NR3C1: variants seen among roughly 807,000 people sequenced by gnomAD.
NR3C1 encodes the protein glucocorticoid receptor.
In NR3C1, 14 loss-of-function variants were observed where a neutral mutation model predicts 74.0. That is an observed-to-expected ratio of 0.19 (90% CI 0.12 to 0.30). The LOEUF is 0.30. NR3C1 is among the 10% of genes least tolerant of loss of function. The pLI, the probability that NR3C1 is intolerant of heterozygous loss-of-function variation, is 1.00. For missense variants in NR3C1, 695 were observed against 909.8 expected (o/e 0.76, Z 3.04); for synonymous variants, 308 against 332.5 (o/e 0.93, Z 0.80).
chr5:143,340,199 T>C (rs998673936), intron 2 of NR3C1, among the ~76,000 whole-genome samples: 12 of 152,112 alleles, frequency 7.9e-5, no homozygotes, highest in African/African-American at 1.4e-4. Context: ...TCTGAAAATA[T>C]TGTTGAAATA....
At chr5:143,337,490 G>C (rs946281088) in intron 2 of NR3C1, among the ~76,000 whole-genome samples, 4 of 152,154 alleles carry the variant, frequency 2.6e-5, no homozygotes, top group Non-Finnish European at 4.4e-5. Flanking sequence ...ATTTATACTT[G>C]TAAATAAATT....
chr5:143,425,764 C>A (rs1652449613), intron 1 of NR3C1, among the ~76,000 whole-genome samples: 1 of 152,150 alleles, frequency 6.6e-6, no homozygotes, highest in Admixed American at 6.5e-5. Context: ...AACTCTCATA[C>A]ATTGCCAGCG....
At chr5:143,433,478 T>TATATATA (rs1187068451) in intron 1 of NR3C1, among the ~76,000 whole-genome samples, 1 of 138,110 alleles carries the variant, frequency 7.2e-6, no homozygotes, top group South Asian at 2.2e-4. Context: ...ATATTTAATT[T>TATATATA]CATCTTGTGT....
chr5:143,306,383 T>TA (rs778656658), intron 4 of NR3C1, among the ~76,000 whole-genome samples: 1 of 152,204 alleles, frequency 6.6e-6, no homozygotes, highest in Non-Finnish European at 1.5e-5. Flanking sequence ...GTGAAACACA[T>TA]GGCTCATCTG....
At chr5:143,431,954 A>C (rs1261993087) in intron 1 of NR3C1, among the ~76,000 whole-genome samples, 2 of 152,284 alleles carry the variant, frequency 1.3e-5, no homozygotes, top group Non-Finnish European at 2.9e-5. Context: ...GTTTGGGAAC[A>C]GAGATGACTC....
intron 3 of NR3C1, among the ~76,000 whole-genome samples, chr5:143,310,569 T>C (rs1820689148): frequency 1.3e-5 from 2 of 152,202 alleles, no homozygotes; most frequent in South Asian, 4.1e-4. Flanking sequence ...ACAGGCCCCC[T>C]TTCTGCCCAA....
upstream of NR3C1, chr5:143,403,751 G>A: frequency 1.0e-6 from 1 of 984,642 alleles, no homozygotes; most frequent in Non-Finnish European, 1.2e-6. Context: ...CCCCGCCCGA[G>A]GGGCCGCGCG....
intron 2 of NR3C1, among the ~76,000 whole-genome samples, chr5:143,358,292 A>G (rs1831545119): frequency 6.6e-6 from 1 of 152,250 alleles, no homozygotes; most frequent in Non-Finnish European, 1.5e-5. Flanking sequence ...AAAGGAAGAA[A>G]GGCTCTGGGA....
intron 2 of NR3C1, among the ~76,000 whole-genome samples, chr5:143,394,580 C>T (rs1273678460): frequency 6.6e-6 from 1 of 151,712 alleles, no homozygotes; most frequent in Non-Finnish European, 1.5e-5. Context: ...TAAACAGCAG[C>T]TTAAATAAAA....
At position 143,351,618 on chromosome 5, in the gene NR3C1, A is replaced by G. The variant is rs535644992; in HGVS notation, c.1185-37450T>C. 3.9e-5 allele frequency among the ~76,000 whole-genome samples: 6 copies of G among 152,180 alleles called. No homozygotes were observed. The South Asian group carries it at 1.0e-3, about 26-fold the overall frequency. ...GGCATGAAACACATGGCTTACAGAGAAAAAAAATGGTGTTTTAGCATTTAA... is the reference window on the plus strand; with the variant it reads ...GGCATGAAACACATGGCTTACAGAGGAAAAAAATGGTGTTTTAGCATTTAA... On this transcript the variant is annotated intron_variant, in intron 2 of 8. Transcript: ENST00000394464.
chr5:143,306,041 A>AATATATCT (rs1184417652), intron 4 of NR3C1, among the ~76,000 whole-genome samples: 6 of 152,232 alleles, frequency 3.9e-5, no homozygotes, highest in African/African-American at 1.4e-4. Flanking sequence ...GATTGATTAC[A>AATATATCT]ATATATCTTA....
chr5:143,379,810 C>T (rs1214807600), intron 2 of NR3C1, among the ~76,000 whole-genome samples: 4 of 152,202 alleles, frequency 2.6e-5, no homozygotes, highest in African/African-American at 7.2e-5. Flanking sequence ...ACAGCAGATA[C>T]GCTGAATGTG....
At chr5:143,363,685 GAAT>G (rs1161951548) in intron 2 of NR3C1, among the ~76,000 whole-genome samples, 2 of 152,004 alleles carry the variant, frequency 1.3e-5, no homozygotes, top group African/African-American at 2.4e-5. Context: ...ATTAAACTGA[GAAT>G]AATATAAAGA....
chr5:143,279,321 A>G lies in NR3C1; in HGVS notation c.*2568T>C, dbSNP rs1812763617. 6.5e-7 allele frequency: 1 copy of G among 1,537,096 alleles called. No homozygotes were observed. The highest frequency in any genetic ancestry group is 8.8e-7 in the Non-Finnish European group (1 of 1,142,792). On this transcript the variant is annotated 3_prime_UTR_variant, in exon 9 of 9. Coordinates refer to ENST00000394464, the MANE Select transcript of NR3C1 (RefSeq NM_000176.3). The stretch of plus-strand genomic sequence containing the variant: ...AAGTGCACATAATCTTCTTTTTCTC[A>G]TTGAGTTCTATTTTTTGAGCGCCAA...
chr5:143,303,841 T>A (rs1819019570), intron 4 of NR3C1, among the ~76,000 whole-genome samples: 2 of 152,124 alleles, frequency 1.3e-5, no homozygotes, highest in African/African-American at 4.8e-5. Flanking sequence ...TCTCAATAGA[T>A]GCAGAAAAAG....
At chr5:143,379,623 T>C (rs1329502664) in intron 2 of NR3C1, among the ~76,000 whole-genome samples, 1 of 152,216 alleles carries the variant, frequency 6.6e-6, no homozygotes, top group African/African-American at 2.4e-5. Context: ...GAATCTAGAC[T>C]AGCCCCGTGA....
chr5:143,398,757 C>G (rs1839716605), intron 2 of NR3C1, among the ~76,000 whole-genome samples: 1 of 152,084 alleles, frequency 6.6e-6, no homozygotes, highest in Non-Finnish European at 1.5e-5. Context: ...GAGAAATTCA[C>G]CCCTACCAAC....
chr5:143,355,292 AC>A (rs1830934075), intron 2 of NR3C1, among the ~76,000 whole-genome samples: 1 of 152,134 alleles, frequency 6.6e-6, no homozygotes, highest in Admixed American at 6.6e-5. Context: ...CAGATACCCA[AC>A]CCCAAAATTC....
At chr5:143,286,775 T>G (rs1814593052) in intron 7 of NR3C1, among the ~76,000 whole-genome samples, 1 of 151,920 alleles carries the variant, frequency 6.6e-6, no homozygotes, top group Non-Finnish European at 1.5e-5. Flanking sequence ...TAACTGACGT[T>G]CATAAAACTC....
Sources: gnomAD v4.1 joint callset for allele counts (sites outside exome capture counted in the v4.1 genomes callset) on GRCh38, gnomAD v4.1.1 for gene constraint, MANE v1.5 for transcripts, NCBI Gene and HGNC (gene_info 2026-07-23, HGNC 2026-07-21) for gene names.